ADGRB3: variants seen among roughly 807,000 people sequenced by gnomAD.
ADGRB3 encodes brain-specific angiogenesis inhibitor 3.
In ADGRB3, 37 loss-of-function variants were observed where a neutral mutation model predicts 193.4. The ratio of observed to expected loss-of-function variants is 0.19; its 90% CI spans 0.15 to 0.25. ADGRB3 has a LOEUF of 0.25. ADGRB3 is among the 10% of genes least tolerant of loss of function. ADGRB3 has a pLI of 1.00. For synonymous variants in ADGRB3, 690 were observed against 644.2 expected (o/e 1.07, Z -1.08); for missense variants, 1,637 against 1,852.9 (o/e 0.88, Z 2.14).
At chr6:69,169,376 TCTTA>T (rs1238579480) in intron 17 of ADGRB3, among the ~76,000 whole-genome samples, 29 of 152,070 alleles carry the variant, frequency 1.9e-4, no homozygotes, top group African/African-American at 6.5e-4. Flanking sequence ...GGCCAATTTC[TCTTA>T]CTTATTTTAA....
Position 69,063,046 on chromosome 6 carries a change from A to G in ADGRB3, c.2436+10A>G. ...AGCTCATTTGGCTAATGTAAGTACCATCCACTGGGCACTGACTTGCTTATG... is the reference window on the plus strand; with the variant it reads ...AGCTCATTTGGCTAATGTAAGTACCGTCCACTGGGCACTGACTTGCTTATG... On this transcript the variant is annotated intron_variant, in intron 16 of 31. Transcript: ENST00000370598. 6.3e-7 allele frequency: 1 copy of G among 1,588,106 alleles called. No homozygotes were observed. The highest frequency in any genetic ancestry group is 8.6e-7 in the Non-Finnish European group (1 of 1,157,224).
At chr6:68,782,686 T>C (rs931752073) in intron 3 of ADGRB3, among the ~76,000 whole-genome samples, 2 of 152,032 alleles carry the variant, frequency 1.3e-5, no homozygotes, top group Non-Finnish European at 2.9e-5. Flanking sequence ...GAGATGGTAT[T>C]TCATTGTGGT....
intron 17 of ADGRB3, among the ~76,000 whole-genome samples, chr6:69,232,030 A>T (rs1408585527): frequency 2.0e-5 from 3 of 152,200 alleles, no homozygotes; most frequent in African/African-American, 7.2e-5. Flanking sequence ...GCATTCAGAG[A>T]TGGAGGAAGC....
intron 3 of ADGRB3, among the ~76,000 whole-genome samples, chr6:68,766,277 T>C (rs76351088): frequency 1.3e-5 from 2 of 152,130 alleles, no homozygotes; most frequent in African/African-American, 4.8e-5. Context: ...TTTTCAATGT[T>C]GCATGTTTTC....
rs3799063 is a variant in ADGRB3, at chr6:69,221,591, T to C, written c.2481-11699T>C. 4.3e-4 allele frequency among the ~76,000 whole-genome samples: 66 copies of C among 152,272 alleles called. 1 individual carries two copies. In the East Asian group the frequency reaches 0.012, roughly 28 times the overall value. On this transcript the variant is annotated intron_variant, in intron 17 of 31. Coordinates refer to ENST00000370598, the MANE Select transcript of ADGRB3 (RefSeq NM_001704.3). ...TAACATCTTATTGTTTTATAGGCAG[T>C]GTGTAATTCATGGCCTCTTACAAAA...
intron 16 of ADGRB3, among the ~76,000 whole-genome samples, chr6:69,074,690 G>C (rs1007539466): frequency 6.6e-6 from 1 of 151,886 alleles, no homozygotes; most frequent in African/African-American, 2.4e-5. Flanking sequence ...GACTACAGGC[G>C]CCTGCCACCA....
intron 3 of ADGRB3, among the ~76,000 whole-genome samples, chr6:68,909,477 T>C (rs1224617592): frequency 2.0e-5 from 3 of 152,148 alleles, no homozygotes; most frequent in African/African-American, 2.4e-5. Flanking sequence ...AATAAAAAGG[T>C]TTATTCCACA....
intron 3 of ADGRB3, among the ~76,000 whole-genome samples, chr6:68,868,840 C>T (rs1205254850): frequency 1.3e-5 from 2 of 151,660 alleles, no homozygotes; most frequent in East Asian, 3.9e-4. Context: ...ATACAAACTC[C>T]TGGAAGTGTT....
At chr6:69,286,426 G>C (rs973603963) in intron 20 of ADGRB3, among the ~76,000 whole-genome samples, 2 of 152,120 alleles carry the variant, frequency 1.3e-5, no homozygotes, top group Non-Finnish European at 2.9e-5. Context: ...ACAGCAGTGT[G>C]AGAACCCCAA....
At chr6:69,299,401 T>C (rs1767904071) in intron 20 of ADGRB3, among the ~76,000 whole-genome samples, 1 of 151,988 alleles carries the variant, frequency 6.6e-6, no homozygotes, top group South Asian at 2.1e-4. Flanking sequence ...GAGAAGCTTT[T>C]TAGCTTGATG....
intron 31 of ADGRB3, among the ~76,000 whole-genome samples, chr6:69,386,791 A>G (rs1770080311): frequency 6.6e-6 from 1 of 152,012 alleles, no homozygotes; most frequent in Non-Finnish European, 1.5e-5. Flanking sequence ...TCTGGCCCTA[A>G]TGTTACTTTT....
intron 3 of ADGRB3, among the ~76,000 whole-genome samples, chr6:68,852,994 G>A (rs868165461): frequency 6.6e-6 from 1 of 152,006 alleles, no homozygotes; most frequent in African/African-American, 2.4e-5. Flanking sequence ...ATACTGCTCA[G>A]CAGCAAAAAT....
At chr6:69,161,360 G>C (rs961026988) in intron 17 of ADGRB3, among the ~76,000 whole-genome samples, 1 of 152,000 alleles carries the variant, frequency 6.6e-6, no homozygotes, top group Non-Finnish European at 1.5e-5. Context: ...AGAGAACAAA[G>C]ATTTATCAAA....
At chr6:68,668,881 A>G (rs1407813109) in intron 3 of ADGRB3, among the ~76,000 whole-genome samples, 1 of 151,922 alleles carries the variant, frequency 6.6e-6, no homozygotes, top group Non-Finnish European at 1.5e-5. Flanking sequence ...GGACTCCCCC[A>G]AAGTTGATCA....
chr6:68,867,866 T>A (rs1164161152), intron 3 of ADGRB3, among the ~76,000 whole-genome samples: 1 of 152,224 alleles, frequency 6.6e-6, no homozygotes. Flanking sequence ...TTCTCCCTTT[T>A]GCAATGGCAG....
At chr6:69,263,151 T>C (rs1250054056) in intron 20 of ADGRB3, among the ~76,000 whole-genome samples, 1 of 151,998 alleles carries the variant, frequency 6.6e-6, no homozygotes, top group Admixed American at 6.6e-5. Context: ...TGTTATGACT[T>C]CCTTCAGTTC....
At chr6:68,856,824 T>C (rs1451302428) in intron 3 of ADGRB3, among the ~76,000 whole-genome samples, 2 of 152,314 alleles carry the variant, frequency 1.3e-5, no homozygotes, top group South Asian at 2.1e-4. Flanking sequence ...GTCAGAGGTC[T>C]TGACAGCAGC....
intron 17 of ADGRB3, among the ~76,000 whole-genome samples, chr6:69,178,666 A>G (rs2150350518): frequency 6.6e-6 from 1 of 152,264 alleles, no homozygotes; most frequent in Admixed American, 6.5e-5. Flanking sequence ...TTCCCTTAGC[A>G]CTTGTTTGCC....
intron 3 of ADGRB3, among the ~76,000 whole-genome samples, chr6:68,898,364 G>A (rs1766299274): frequency 1.3e-5 from 2 of 152,058 alleles, no homozygotes; most frequent in Non-Finnish European, 2.9e-5. Flanking sequence ...GAATTGGTGA[G>A]GGAAAATCTC....
Sources: allele counts gnomAD v4.1 joint callset (sites outside exome capture counted in the v4.1 genomes callset), GRCh38; gene constraint gnomAD v4.1.1; transcripts MANE v1.5; gene names NCBI Gene and HGNC (gene_info 2026-07-23, HGNC 2026-07-21).